EHMT1: variants seen among roughly 807,000 people sequenced by gnomAD.
EHMT1 encodes histone-lysine N-methyltransferase EHMT1.
In EHMT1, 15 loss-of-function variants were observed where a neutral mutation model predicts 147.2. The observed-to-expected ratio is 0.10, with a 90% CI of 0.07 to 0.16. The LOEUF (loss-of-function observed/expected upper bound fraction) is 0.16, where lower values mean the gene tolerates loss of function less well. Among genes scored for constraint, EHMT1 ranks in the 10% least tolerant of loss-of-function variants. The probability of loss-of-function intolerance (pLI) is 1.00; values close to 1 mark genes in which losing one functional copy is unlikely to be tolerated. For missense variants in EHMT1, 1,587 were observed against 1,772.4 expected (o/e 0.90, Z 1.88); for synonymous variants, 795 against 709.6 (o/e 1.12, Z -1.91).
rs1948163933 is a variant in EHMT1, at chr9:137,742,295, G to GTGTGTGTA, written c.824-1069_824-1068insATGTGTGT. Among the ~76,000 whole-genome samples, 12 of 104,344 alleles carry GTGTGTGTA rather than the reference G, an allele frequency of 1.2e-4. No homozygotes were observed. In the South Asian group the frequency reaches 4.1e-3, roughly 36 times the overall value. 68.5% of individuals were successfully genotyped at this position (104,344 alleles called of 152,430 possible). A position where few individuals can be genotyped will look rare whatever the true frequency, so the allele number is the denominator to read the frequency against. On this transcript the variant is annotated intron_variant, in intron 4 of 26. Coordinates refer to ENST00000460843, the MANE Select transcript of EHMT1 (RefSeq NM_024757.5). ...GCACTTTGTAGAACCAAATTTGTGT[G>GTGTGTGTA]TGTGTGTGTGTGTGTGTGTGTGTGT...
At chr9:137,820,351 G>C (rs1436296471) in intron 25 of EHMT1, among the ~76,000 whole-genome samples, 1 of 152,232 alleles carries the variant, frequency 6.6e-6, no homozygotes, top group African/African-American at 2.4e-5. Flanking sequence ...TTCCAGCCTT[G>C]CTGTGGAACG....
intron 1 of EHMT1, among the ~76,000 whole-genome samples, chr9:137,680,443 A>G (rs1382824570): frequency 2.0e-5 from 3 of 152,240 alleles, no homozygotes; most frequent in African/African-American, 7.2e-5. Flanking sequence ...ACTGCACTCC[A>G]GCCTGGGCGA....
chr9:137,717,964 G>C (rs1167707524), intron 3 of EHMT1, among the ~76,000 whole-genome samples: 1 of 152,262 alleles, frequency 6.6e-6, no homozygotes, highest in African/African-American at 2.4e-5. Flanking sequence ...CGTACCTTGA[G>C]AGCAGAATGA....
At chr9:137,668,538 G>T (rs879221667) in intron 1 of EHMT1, among the ~76,000 whole-genome samples, 2 of 152,110 alleles carry the variant, frequency 1.3e-5, no homozygotes, top group Admixed American at 1.3e-4. Context: ...GAGTATATTT[G>T]TGGACAGAGC....
rs1042335638 is a variant in EHMT1 at position 137,782,164 on chromosome 9, C to T, written c.2276-127C>T. On this transcript the variant is annotated intron_variant, in intron 14 of 26. Coordinates refer to ENST00000460843, the MANE Select transcript of EHMT1 (RefSeq NM_024757.5). The surrounding 1 kb of genome is among the most constrained non-coding windows in gnomAD (Gnocchi z 5.7). ...GGATGGTGCTGTGGGCGGGTTCCGG[C>T]GTGGCTCGAGGTGGCTGTTTATGTG... 1.6e-5 allele frequency: 13 copies of T among 833,864 alleles called. 1 individual carries two copies. The highest frequency in any genetic ancestry group is 2.4e-5 in the Non-Finnish European group (12 of 507,546). The allele number at this position is 833,864 out of a possible 1,614,324, so 51.7% of individuals were successfully genotyped here.
At chr9:137,789,723 T>C (rs1952364064) in intron 15 of EHMT1, among the ~76,000 whole-genome samples, 2 of 151,862 alleles carry the variant, frequency 1.3e-5, no homozygotes, top group African/African-American at 4.8e-5. Context: ...TTTTGTGGTT[T>C]TTTGTTTTGT....
rs561566332 is a variant in EHMT1, at chr9:137,777,526, C to G, written c.2019-356C>G. 4.9e-5 allele frequency: 16 copies of G among 327,082 alleles called. No homozygotes were observed. In the East Asian group the frequency reaches 9.9e-4, roughly 20 times the overall value. The allele number at this position is 327,082 out of a possible 1,614,324, so 20.3% of individuals were successfully genotyped here. A position where few individuals can be genotyped will look rare whatever the true frequency, so the allele number is the denominator to read the frequency against. On this transcript the variant is annotated intron_variant, in intron 12 of 26. Transcript: ENST00000460843. ...CCTTGAAGATTATTTAAAAGAGACT[C>G]AAATTGTGGACATGTTAAGGTGATT...
intron 1 of EHMT1, among the ~76,000 whole-genome samples, chr9:137,624,681 C>T (rs986218881): frequency 6.6e-6 from 1 of 151,838 alleles, no homozygotes; most frequent in Non-Finnish European, 1.5e-5. Context: ...AGGCTGGTCT[C>T]GAACTCCTGA....
intron 4 of EHMT1, among the ~76,000 whole-genome samples, chr9:137,742,178 C>T (rs1395217761): frequency 6.6e-6 from 1 of 152,196 alleles, no homozygotes; most frequent in East Asian, 1.9e-4. Context: ...GCGGATTGCC[C>T]AGGCCCCGCG....
chr9:137,680,006 A>T (rs1434746937), intron 1 of EHMT1, among the ~76,000 whole-genome samples: 1 of 152,052 alleles, frequency 6.6e-6, no homozygotes, highest in Non-Finnish European at 1.5e-5. Context: ...TGAGTGTTTG[A>T]TTATTCTCCT....
chr9:137,729,125 A>T (rs1438844971), intron 4 of EHMT1, among the ~76,000 whole-genome samples: 1 of 151,946 alleles, frequency 6.6e-6, no homozygotes, highest in East Asian at 1.9e-4. Flanking sequence ...AGCTTCTGGG[A>T]TGGGATGTGT....
chr9:137,824,183 T>G (rs1955652595), intron 25 of EHMT1, among the ~76,000 whole-genome samples: 1 of 152,026 alleles, frequency 6.6e-6, no homozygotes, highest in South Asian at 2.1e-4. Context: ...CGAGACGGAG[T>G]TTGAAGCTGC....
chr9:137,721,958 C>A (rs9410122), intron 3 of EHMT1, among the ~76,000 whole-genome samples: 17,078 of 151,742 alleles, frequency 0.11, 3,070 homozygotes, highest in African/African-American at 0.38. Context: ...CTTCACCTAG[C>A]CCTAGATCTC....
intron 16 of EHMT1, among the ~76,000 whole-genome samples, chr9:137,798,006 T>G (rs536012186): frequency 1.3e-5 from 2 of 152,334 alleles, no homozygotes; most frequent in East Asian, 3.9e-4. Flanking sequence ...TGCATGTCTT[T>G]GTTTTCCTTT....
chr9:137,802,611 A>G (rs1343633878), intron 18 of EHMT1: 2 of 403,958 alleles, frequency 5.0e-6, no homozygotes, highest in Non-Finnish European at 4.3e-6. Flanking sequence ...GGCCCTTGCC[A>G]TTCATTGTTG....
chr9:137,784,357 C>T (rs1260680336), intron 15 of EHMT1: 2 of 1,270,298 alleles, frequency 1.6e-6, no homozygotes, highest in East Asian at 2.9e-5. Flanking sequence ...CTCATTGGGG[C>T]CCCCAGCCCC....
intron 1 of EHMT1, among the ~76,000 whole-genome samples, chr9:137,632,665 C>T (rs545044627): frequency 7.2e-5 from 11 of 152,274 alleles, no homozygotes; most frequent in Non-Finnish European, 1.0e-4. Context: ...TGGCCTCCTA[C>T]GGTGCTGGGA....
chr9:137,666,383 G>C (rs909536769), intron 1 of EHMT1, among the ~76,000 whole-genome samples: 2 of 152,226 alleles, frequency 1.3e-5, no homozygotes, highest in African/African-American at 2.4e-5. Context: ...CATTTATAAA[G>C]AGCGTGCTTG....
chr9:137,635,487 T>C (rs1297175005), intron 1 of EHMT1, among the ~76,000 whole-genome samples: 1 of 150,922 alleles, frequency 6.6e-6, no homozygotes, highest in Non-Finnish European at 1.5e-5. Context: ...AGTGTTGGGA[T>C]TACAGGCATG....
Sources: allele counts gnomAD v4.1 joint callset (sites outside exome capture counted in the v4.1 genomes callset), GRCh38; gene constraint gnomAD v4.1.1; non-coding constraint Gnocchi (gnomAD v3.1); transcripts MANE v1.5; gene names NCBI Gene and HGNC (gene_info 2026-07-23, HGNC 2026-07-21).